Variants in BICD1 observed in about 807,000 individuals in gnomAD.
BICD1 encodes the protein protein bicaudal D homolog 1.
A neutral mutation model predicts 92.5 loss-of-function variants in BICD1; 35 were observed. That is an observed-to-expected ratio of 0.38 (90% CI 0.29 to 0.50). The LOEUF (loss-of-function observed/expected upper bound fraction) is 0.50. Among genes scored for constraint, BICD1 ranks in the 20% least tolerant of loss-of-function variants. BICD1 has a pLI of 0.93. For missense variants in BICD1, 950 were observed against 1,189.8 expected (o/e 0.80, Z 2.97); for synonymous variants, 429 against 465.1 (o/e 0.92, Z 1.00).
chr12:32,328,552 G>A lies in BICD1; in HGVS notation c.2097G>A (p.Lys699=), dbSNP rs201010499. The change falls in exon 5 of 10, where the codon AAG becomes AAA. Residue 699 remains lysine, a synonymous_variant. Transcript: ENST00000652176. This position sits in a 1 kb window ranked among gnomAD's most constrained non-coding sequence, Gnocchi z 4.4. ...TGAGGGCGGTGTTGAAAGCCAACAA[G>A]CAGGTAATCTCATTCTACTGGTGAA... ...ATLRAVLKAN[K]QTAEVALANL... 3 of 1,609,460 alleles carry A rather than the reference G, an allele frequency of 1.9e-6. No individual in the cohort carries two copies. Among genetic ancestry groups the A allele is most frequent in the African/African-American group, 1.3e-5 (1 of 74,940 alleles).
chr12:32,294,277 A>G, intron 3 of BICD1, 131 bp downstream of exon 3: 1 of 928,076 alleles, frequency 1.1e-6, no homozygotes, highest in South Asian at 1.9e-5. Context: ...TATGTACTGC[A>G]ATGTCCCAAC....
intron 9 of BICD1, among the ~76,000 whole-genome samples, chr12:32,370,201 T>C (rs1301294519): frequency 1.3e-5 from 2 of 151,998 alleles, no homozygotes; most frequent in Non-Finnish European, 2.9e-5. Flanking sequence ...ACCCCGTCTC[T>C]ACTAAAAATA....
chr12:32,134,345 A>G (rs776744205), intron 1 of BICD1, among the ~76,000 whole-genome samples: 2 of 152,214 alleles, frequency 1.3e-5, no homozygotes, highest in Admixed American at 1.3e-4. Flanking sequence ...TAAAAAGCTG[A>G]TATGATCTTT....
intron 2 of BICD1, among the ~76,000 whole-genome samples, chr12:32,228,499 G>T (rs1945772292): frequency 6.6e-6 from 1 of 152,190 alleles, no homozygotes; most frequent in African/African-American, 2.4e-5. Context: ...TATCTTGAGT[G>T]AAATGAGGAG....
At chr12:32,340,760 C>T (rs1043358633) in intron 8 of BICD1, 1 of 168,272 alleles carries the variant, frequency 5.9e-6, no homozygotes, top group African/African-American at 2.4e-5. Context: ...GTTATTGTAT[C>T]ATAGATTTTG....
chr12:32,236,726 C>T (rs1946083515), intron 2 of BICD1, among the ~76,000 whole-genome samples: 1 of 152,096 alleles, frequency 6.6e-6, no homozygotes, highest in Non-Finnish European at 1.5e-5. Flanking sequence ...AGGAAAAGTT[C>T]TTGAAGGAAA....
intron 1 of BICD1, among the ~76,000 whole-genome samples, chr12:32,137,703 A>C (rs1406119149): frequency 6.6e-6 from 1 of 152,142 alleles, no homozygotes; most frequent in Non-Finnish European, 1.5e-5. Context: ...TCCCAGCAGC[A>C]TGGCTGTAGA....
chr12:32,158,198 C>T (rs796583958), intron 1 of BICD1, among the ~76,000 whole-genome samples: 4 of 151,750 alleles, frequency 2.6e-5, no homozygotes, highest in African/African-American at 7.3e-5. Flanking sequence ...CTCCGCCTCC[C>T]GGGTTCAAGC....
chr12:32,221,919 A>G (rs1945544202), intron 2 of BICD1, among the ~76,000 whole-genome samples: 2 of 152,198 alleles, frequency 1.3e-5, no homozygotes. Context: ...TTTAGTAAAC[A>G]AGTTTGAATT....
intron 1 of BICD1, among the ~76,000 whole-genome samples, chr12:32,208,596 C>A (rs1945127892): frequency 6.6e-6 from 1 of 152,124 alleles, no homozygotes; most frequent in African/African-American, 2.4e-5. Context: ...AACTTTTGAG[C>A]CATACGCATC....
intron 1 of BICD1, among the ~76,000 whole-genome samples, chr12:32,150,479 G>A (rs1313257553): frequency 2.9e-5 from 2 of 68,640 alleles, no homozygotes; most frequent in Non-Finnish European, 5.4e-5. Flanking sequence ...AGAGACAAGT[G>A]GATGAAGATA....
At chr12:32,312,948 A>T (rs948823345) in intron 4 of BICD1, among the ~76,000 whole-genome samples, 1 of 152,192 alleles carries the variant, frequency 6.6e-6, no homozygotes, top group Non-Finnish European at 1.5e-5. Flanking sequence ...TACCTTAATT[A>T]GTTTTATTAG....
At chr12:32,117,731 CACACAT>C (rs576886834) in intron 1 of BICD1, among the ~76,000 whole-genome samples, 15,170 of 120,938 alleles carry the variant, frequency 0.13, 909 homozygotes, top group South Asian at 0.25. Context: ...CACACACACA[CACACAT>C]ATATATATAT....
chr12:32,115,095 G>A (rs1281855125), intron 1 of BICD1, among the ~76,000 whole-genome samples: 1 of 151,984 alleles, frequency 6.6e-6, no homozygotes, highest in Non-Finnish European at 1.5e-5. Context: ...GGCCTCAAGC[G>A]ATTCTCCCTC....
At chr12:32,288,896 G>A (rs1947651686) in intron 2 of BICD1, among the ~76,000 whole-genome samples, 1 of 151,952 alleles carries the variant, frequency 6.6e-6, no homozygotes, top group South Asian at 2.1e-4. Flanking sequence ...ATTTTAACAT[G>A]TTCGGTGTTT....
intron 2 of BICD1, among the ~76,000 whole-genome samples, chr12:32,245,607 C>T (rs1184486146): frequency 6.6e-6 from 1 of 152,184 alleles, no homozygotes; most frequent in African/African-American, 2.4e-5. Context: ...ACGTGCCTCT[C>T]TCTGCCTGAG....
intron 2 of BICD1, among the ~76,000 whole-genome samples, chr12:32,218,745 C>A (rs866079626): frequency 2.6e-5 from 4 of 152,124 alleles, no homozygotes; most frequent in Admixed American, 6.6e-5. Context: ...AAAAAAAGAT[C>A]TTGTGTTTCT....
intron 3 of BICD1, among the ~76,000 whole-genome samples, chr12:32,295,272 A>T (rs1258308970): frequency 6.6e-6 from 1 of 152,178 alleles, no homozygotes; most frequent in Non-Finnish European, 1.5e-5. Flanking sequence ...TAATTTTAGA[A>T]GAATTTATTT....
At chr12:32,122,371 C>T (rs1942186584) in intron 1 of BICD1, among the ~76,000 whole-genome samples, 1 of 151,844 alleles carries the variant, frequency 6.6e-6, no homozygotes, top group African/African-American at 2.4e-5. Context: ...CGCCTGTAGT[C>T]CCAGCTACTC....
Sources: gnomAD v4.1 joint callset for allele counts (sites outside exome capture counted in the v4.1 genomes callset) on GRCh38, gnomAD v4.1.1 for gene constraint, Gnocchi (gnomAD v3.1) non-coding constraint, MANE v1.5 for transcripts, NCBI Gene and HGNC (gene_info 2026-07-23, HGNC 2026-07-21) for gene names.